The following PEX14 variants were observed in gnomAD, a reference collection of about 807,000 sequenced individuals.
PEX14 encodes peroxisomal membrane protein PEX14.
PEX14 carries 15 observed loss-of-function variants against 49.5 expected under a neutral mutation model. The observed-to-expected ratio is 0.30, with a 90% confidence interval of 0.20 to 0.47. The LOEUF is 0.47. Ranked by LOEUF, PEX14 falls within the 20% of genes least tolerant of loss-of-function variation. PEX14 has a pLI of 1.00. For synonymous variants in PEX14, 210 were observed against 212.7 expected (o/e 0.99, Z 0.11); for missense variants, 398 against 494.8 (o/e 0.80, Z 1.86).
intron 3 of PEX14, among the ~76,000 whole-genome samples, chr1:10,580,200 C>G (rs934299035): frequency 2.6e-5 from 4 of 152,120 alleles, no homozygotes; most frequent in Admixed American, 6.5e-5. Context: ...GCACAAAGGA[C>G]AGAAGGGGTG....
intron 3 of PEX14, among the ~76,000 whole-genome samples, chr1:10,595,924 A>G (rs1640821356): frequency 6.6e-6 from 1 of 152,346 alleles, no homozygotes; most frequent in East Asian, 1.9e-4. Context: ...TTCACTTACA[A>G]TTGGCAGTTT....
intron 5 of PEX14, among the ~76,000 whole-genome samples, chr1:10,621,955 C>A (rs924303303): frequency 6.6e-6 from 1 of 152,168 alleles, no homozygotes; most frequent in Non-Finnish European, 1.5e-5. Context: ...TATCCCCGGG[C>A]AGCTCCTGCC....
intron 2 of PEX14, among the ~76,000 whole-genome samples, chr1:10,527,431 T>TGCTTGAAC (rs902752227): frequency 1.3e-5 from 2 of 149,562 alleles, no homozygotes; most frequent in Non-Finnish European, 3.0e-5. Context: ...GCACAAGAAT[T>TGCTTGAAC]GCTTGAACCC....
intron 2 of PEX14, among the ~76,000 whole-genome samples, chr1:10,497,841 A>G (rs1641596365): frequency 6.6e-6 from 1 of 152,208 alleles, no homozygotes; most frequent in African/African-American, 2.4e-5. Flanking sequence ...CGGGAAATAC[A>G]TATTCTTTTT....
intron 4 of PEX14, 124 bp downstream of exon 4, chr1:10,599,490 T>G (rs905318897): frequency 8.6e-7 from 1 of 1,167,244 alleles, no homozygotes; most frequent in African/African-American, 1.5e-5. Flanking sequence ...AGAAAGCTCT[T>G]GGGTTTTTCC....
intron 2 of PEX14, among the ~76,000 whole-genome samples, chr1:10,533,012 A>G (rs1046237716): frequency 3.9e-5 from 6 of 152,172 alleles, no homozygotes; most frequent in East Asian, 3.8e-4. Flanking sequence ...GGGCTATAAA[A>G]TTCTAGATTG....
intron 2 of PEX14, among the ~76,000 whole-genome samples, chr1:10,519,381 G>A (rs1259277745): frequency 6.6e-6 from 1 of 152,202 alleles, no homozygotes; most frequent in African/African-American, 2.4e-5. Context: ...GGAAGAGAGA[G>A]TGCTTAAGAG....
chr1:10,530,094 C>T (rs372774974), intron 2 of PEX14, among the ~76,000 whole-genome samples: 1 of 152,120 alleles, frequency 6.6e-6, no homozygotes, highest in South Asian at 2.1e-4. Flanking sequence ...CCTTTCCTCC[C>T]TTAATGTACA....
intron 4 of PEX14, among the ~76,000 whole-genome samples, chr1:10,616,527 G>A (rs866730171): frequency 1.3e-5 from 2 of 152,116 alleles, no homozygotes; most frequent in Non-Finnish European, 2.9e-5. Context: ...GGCGCCTTCC[G>A]GATAGCTCTC....
At chr1:10,517,328 G>C (rs956106357) in intron 2 of PEX14, among the ~76,000 whole-genome samples, 8 of 152,174 alleles carry the variant, frequency 5.3e-5, no homozygotes, top group African/African-American at 1.9e-4. Context: ...CTCTCCTATT[G>C]GGGGCAGAGT....
intron 1 of PEX14, among the ~76,000 whole-genome samples, chr1:10,476,860 G>C (rs1003642861): frequency 1.3e-5 from 2 of 152,014 alleles, no homozygotes; most frequent in African/African-American, 2.4e-5. Context: ...TTGCCACTTG[G>C]AGCCACTGTT....
At chr1:10,575,852 T>C (rs1640103193) in intron 3 of PEX14, among the ~76,000 whole-genome samples, 1 of 152,202 alleles carries the variant, frequency 6.6e-6, no homozygotes, top group Admixed American at 6.5e-5. Flanking sequence ...CACATAGTGA[T>C]AGTTTTCTGA....
intron 4 of PEX14, among the ~76,000 whole-genome samples, chr1:10,610,079 A>C (rs1641235756): frequency 6.8e-6 from 1 of 148,080 alleles, no homozygotes; most frequent in Non-Finnish European, 1.5e-5. Flanking sequence ...TATATAATTT[A>C]TATATGCATT....
intron 4 of PEX14, among the ~76,000 whole-genome samples, chr1:10,608,159 G>A (rs1641176444): frequency 6.6e-6 from 1 of 152,062 alleles, no homozygotes; most frequent in Non-Finnish European, 1.5e-5. Context: ...GGAGAGATGG[G>A]TTTTCACCAT....
intron 4 of PEX14, among the ~76,000 whole-genome samples, chr1:10,608,562 T>A (rs1291557458): frequency 6.6e-6 from 1 of 151,626 alleles, no homozygotes; most frequent in African/African-American, 2.4e-5. Context: ...CTCAGGAGGC[T>A]GAGGCAGGAG....
chr1:10,602,640 T>C (rs544325634), intron 4 of PEX14, among the ~76,000 whole-genome samples: 1 of 152,346 alleles, frequency 6.6e-6, no homozygotes, highest in African/African-American at 2.4e-5. Flanking sequence ...GGCTGTCTGC[T>C]GCTGGCATTA....
chr1:10,480,458 A>C (rs1296917727), intron 1 of PEX14, among the ~76,000 whole-genome samples: 1 of 147,528 alleles, frequency 6.8e-6, no homozygotes, highest in Non-Finnish European at 1.5e-5. Flanking sequence ...CAGTGGCACA[A>C]TCTCGGCTCA....
chr1:10,481,164 G>A (rs1249323786), intron 1 of PEX14, among the ~76,000 whole-genome samples: 1 of 143,596 alleles, frequency 7.0e-6, no homozygotes, highest in Non-Finnish European at 1.5e-5. Context: ...TTGAGACAGA[G>A]TCTTGCTCTG....
At chr1:10,531,851 C>A (rs923718510) in intron 2 of PEX14, among the ~76,000 whole-genome samples, 23 of 152,114 alleles carry the variant, frequency 1.5e-4, no homozygotes, top group African/African-American at 5.3e-4. Flanking sequence ...CATTATTAGG[C>A]AGGCTCTGTC....
Sources: allele counts gnomAD v4.1 joint callset (sites outside exome capture counted in the v4.1 genomes callset), GRCh38; gene constraint gnomAD v4.1.1; transcripts MANE v1.5; gene names NCBI Gene and HGNC (gene_info 2026-07-23, HGNC 2026-07-21).